TPO: variants seen among roughly 807,000 people sequenced by gnomAD.
The protein encoded by TPO is thyroid peroxidase.
A neutral mutation model predicts 96.9 loss-of-function variants in TPO; 78 were observed. The ratio of observed to expected loss-of-function variants is 0.81; its 90% CI spans 0.67 to 0.97. TPO has a LOEUF of 0.97. Among genes scored for constraint, TPO ranks in the 50% least tolerant of loss-of-function variants. The pLI is 0.00. For synonymous variants in TPO, 547 were observed against 538.0 expected (o/e 1.02, Z -0.23); for missense variants, 1,252 against 1,274.8 (o/e 0.98, Z 0.27).
intron 14 of TPO, among the ~76,000 whole-genome samples, chr2:1,507,843 G>T (rs1310256568): frequency 2.0e-5 from 3 of 152,116 alleles, no homozygotes; most frequent in Non-Finnish European, 2.9e-5. Flanking sequence ...GGGACAATTT[G>T]ACTTCCTCTT....
chr2:1,516,215 CCT>C (rs1037314434), intron 14 of TPO, among the ~76,000 whole-genome samples: 3 of 152,152 alleles, frequency 2.0e-5, no homozygotes, highest in Non-Finnish European at 2.9e-5. Flanking sequence ...TCCTGGGCTG[CCT>C]CTCTCCTCTG....
chr2:1,456,361 A>C, intron 7 of TPO, 79 bp downstream of exon 7: 1 of 1,466,020 alleles, frequency 6.8e-7, no homozygotes, highest in South Asian at 1.2e-5. Context: ...GTATAAAACA[A>C]AATGTGAAAG....
intron 7 of TPO, among the ~76,000 whole-genome samples, chr2:1,465,239 T>G (rs957596182): frequency 1.3e-5 from 2 of 152,230 alleles, no homozygotes; most frequent in Admixed American, 1.3e-4. Flanking sequence ...GGGTTCTCTA[T>G]TCTATTCCAT....
chr2:1,496,674 G>A lies in TPO; in HGVS notation c.2295G>A (p.Val765=). The A allele has an allele frequency of 6.8e-6, 11 of 1,614,108 alleles. No individual in the cohort carries two copies. The highest frequency in any genetic ancestry group is 1.7e-5 in the Admixed American group (1 of 60,032). ...HCEESGRRVL[V]YSCRHGYELQ... Reference sequence around the variant, plus strand: ...AGGAGTCTGGGAGGCGCGTGCTGGTGTATTCCTGCCGGCACGGGTATGAGC... The same window carrying A: ...AGGAGTCTGGGAGGCGCGTGCTGGTATATTCCTGCCGGCACGGGTATGAGC... Residue 765 remains valine (V), a synonymous_variant, in exon 13 of 17, where the codon GTG becomes GTA. Coordinates refer to ENST00000329066, the MANE Select transcript of TPO (RefSeq NM_001206744.2).
At chr2:1,527,157 CTG>C (rs1676761286) in intron 15 of TPO, among the ~76,000 whole-genome samples, 1 of 117,624 alleles carries the variant, frequency 8.5e-6, no homozygotes, top group South Asian at 3.4e-4. Flanking sequence ...TCCCCCCACT[CTG>C]TGCAACCTCC....
chr2:1,525,946 C>T (rs1251622465), intron 15 of TPO, among the ~76,000 whole-genome samples: 1 of 142,924 alleles, frequency 7.0e-6, no homozygotes, highest in South Asian at 2.3e-4. Flanking sequence ...CTCATATCCC[C>T]CGACTGTTTA....
At chr2:1,526,962 G>A (rs1237630836) in intron 15 of TPO, among the ~76,000 whole-genome samples, 1 of 131,008 alleles carries the variant, frequency 7.6e-6, no homozygotes, top group Non-Finnish European at 1.6e-5. Flanking sequence ...CCCACACTCT[G>A]TGCAACCTAC....
chr2:1,444,282 T>C (rs1378337741), intron 5 of TPO, among the ~76,000 whole-genome samples: 31 of 87,252 alleles, frequency 3.6e-4, no homozygotes, highest in Middle Eastern at 0.011. Context: ...CTGCAGGAGG[T>C]ACCATGTTGG....
chr2:1,404,273 C>G (rs1463792398), intron 1 of TPO, among the ~76,000 whole-genome samples: 1 of 152,108 alleles, frequency 6.6e-6, no homozygotes, highest in African/African-American at 2.4e-5. Context: ...TTCTCCTTAG[C>G]CAATTGTGGT....
intron 2 of TPO, among the ~76,000 whole-genome samples, chr2:1,416,003 C>G (rs1051892668): frequency 6.6e-6 from 1 of 152,174 alleles, no homozygotes; most frequent in African/African-American, 2.4e-5. Flanking sequence ...CGTGGGGCCT[C>G]TCCCTGCCAG....
chr2:1,416,739 A>G (rs1369493363), intron 2 of TPO, among the ~76,000 whole-genome samples: 1 of 152,238 alleles, frequency 6.6e-6, no homozygotes, highest in Non-Finnish European at 1.5e-5. Flanking sequence ...TTTCTATTTT[A>G]CAGCCTTTAA....
upstream of TPO, among the ~76,000 whole-genome samples, chr2:1,412,630 T>C (rs763617357): frequency 1.2e-4 from 18 of 152,134 alleles, no homozygotes; most frequent in Non-Finnish European, 1.8e-4. Flanking sequence ...TGGTTTCAAA[T>C]TACCTAGAGG....
chr2:1,481,823 CAA>C (rs908544139), intron 8 of TPO, among the ~76,000 whole-genome samples: 20 of 152,318 alleles, frequency 1.3e-4, no homozygotes, highest in African/African-American at 4.8e-4. Flanking sequence ...TGTTGGCTGA[CAA>C]AGTCTCCTGG....
At chr2:1,520,468 G>A (rs1006381069) in intron 15 of TPO, among the ~76,000 whole-genome samples, 5 of 152,262 alleles carry the variant, frequency 3.3e-5, no homozygotes, top group South Asian at 4.1e-4. Flanking sequence ...CAGCAAACAC[G>A]TTTCCTCTCC....
At chr2:1,531,741 CA>C (rs1301123145) in intron 15 of TPO, among the ~76,000 whole-genome samples, 28 of 45,946 alleles carry the variant, frequency 6.1e-4, no homozygotes, top group East Asian at 3.2e-3. Context: ...CTCCCCAAAT[CA>C]CCCCCACTCT....
intron 7 of TPO, among the ~76,000 whole-genome samples, chr2:1,475,423 T>C (rs1390212879): frequency 2.6e-5 from 4 of 151,886 alleles, no homozygotes; most frequent in East Asian, 3.9e-4. Flanking sequence ...GCTTTTTTTT[T>C]TTCTTTTTTC....
chr2:1,514,050 A>C (rs1272987653), intron 14 of TPO, among the ~76,000 whole-genome samples: 1 of 152,162 alleles, frequency 6.6e-6, no homozygotes, highest in Non-Finnish European at 1.5e-5. Context: ...AGAATTGGTC[A>C]TGAAATTAGA....
intron 2 of TPO, 125 bp from the exon 3 acceptor site, chr2:1,422,920 G>A: frequency 1.0e-6 from 1 of 996,204 alleles, no homozygotes; most frequent in Non-Finnish European, 1.5e-6. Context: ...GGACCTGGCT[G>A]CCTGCCTGTC....
rs1274082332 is a variant in TPO, at chr2:1,379,381, C to A, written n.180+4979C>A. ...ATCTTGGTAGGAATGAGCCCTCTTG[C>A]CATATGTGACATTCAGCCCAGGGCT... On this transcript the variant is annotated intron_variant and non_coding_transcript_variant, in intron 1 of 5. Coordinates refer to the TPO transcript ENST00000497517. Among the ~76,000 whole-genome samples the A allele has an allele frequency of 2.0e-5, 3 of 152,076 alleles. No homozygotes were observed. The East Asian group carries it at 5.8e-4, about 29-fold the overall frequency.
Sources: gnomAD v4.1 joint callset for allele counts (sites outside exome capture counted in the v4.1 genomes callset) on GRCh38, gnomAD v4.1.1 for gene constraint, MANE v1.5 for transcripts, NCBI Gene and HGNC (gene_info 2026-07-23, HGNC 2026-07-21) for gene names.